Variants in GALNT3 observed in about 807,000 individuals in gnomAD.
The protein encoded by GALNT3 is polypeptide N-acetylgalactosaminyltransferase 3, also known as GalNAc transferase 3.
In GALNT3, 51 loss-of-function variants were observed where a neutral mutation model predicts 69.8. That is an observed-to-expected ratio of 0.73 (90% CI 0.58 to 0.92). The LOEUF is 0.92. GALNT3 is among the 40% of genes least tolerant of loss of function. The probability of loss-of-function intolerance (pLI) is 0.00; values close to 1 mark genes in which losing one functional copy is unlikely to be tolerated. For synonymous variants in GALNT3, 265 were observed against 248.5 expected, an observed-to-expected ratio of 1.07 and a Z score of -0.63; for missense variants, 711 against 760.0, an observed-to-expected ratio of 0.94 and a Z score of 0.76.
intron 2 of GALNT3, among the ~76,000 whole-genome samples, chr2:165,768,074 A>T (rs1688678116): frequency 6.6e-6 from 1 of 152,020 alleles, no homozygotes; most frequent in African/African-American, 2.4e-5. Flanking sequence ...AGGTTTCACC[A>T]TGTTGGCCAG....
At chr2:165,791,279 G>GTA (rs1006955516) in intron 1 of GALNT3, among the ~76,000 whole-genome samples, 2 of 149,720 alleles carry the variant, frequency 1.3e-5, no homozygotes, top group East Asian at 2.0e-4. Context: ...GTGTGTGTGT[G>GTA]TATACGCATG....
At chr2:165,752,636 A>C in intron 9 of GALNT3, among the ~76,000 whole-genome samples, 1 of 152,196 alleles carries the variant, frequency 6.6e-6, no homozygotes, top group South Asian at 2.1e-4. Flanking sequence ...GATAACAGAA[A>C]AATGGAAAAA....
At chr2:165,764,043 AAAT>A (rs748150909) in intron 3 of GALNT3, among the ~76,000 whole-genome samples, 19 of 152,364 alleles carry the variant, frequency 1.2e-4, no homozygotes, top group East Asian at 7.7e-4. Flanking sequence ...GTAATCATTG[AAAT>A]AATATGTATC....
At chr2:165,793,302 G>A (rs79742335) in intron 1 of GALNT3, among the ~76,000 whole-genome samples, 3,646 of 152,268 alleles carry the variant, frequency 0.024, 151 homozygotes, top group African/African-American at 0.083. Flanking sequence ...ACGAGATGGT[G>A]AGTGGTTGGT....
In GALNT3 at chr2:165,759,608, A is replaced by G. The variant is rs201989341; in HGVS notation, c.839-38T>C. On this transcript the variant is annotated intron_variant, in intron 4 of 10. Coordinates refer to ENST00000392701, the MANE Select transcript of GALNT3 (RefSeq NM_004482.4). ...GAATTTTAATTAATTCAATAAAAAC[A>G]TTGAAGTTTTTTTCTTTAGTTATTT... The G allele has an allele frequency of 3.2e-5, 48 of 1,498,038 alleles. No individual in the cohort carries two copies. The African/African-American group carries it at 5.9e-4, about 19-fold the overall frequency. The allele number at this position is 1,498,038 out of a possible 1,614,324, so 92.8% of individuals were successfully genotyped here.
intron 2 of GALNT3, among the ~76,000 whole-genome samples, chr2:165,767,861 A>T (rs575040315): frequency 6.7e-6 from 1 of 148,584 alleles, no homozygotes; most frequent in African/African-American, 2.5e-5. Flanking sequence ...TCAAAGTAAA[A>T]AACAAATCTT....
At chr2:165,765,441 T>G (rs1688620749) in intron 2 of GALNT3, among the ~76,000 whole-genome samples, 1 of 152,144 alleles carries the variant, frequency 6.6e-6, no homozygotes, top group Non-Finnish European at 1.5e-5. Context: ...TCTTATTTCA[T>G]GCAGAAATCA....
chr2:165,788,895 T>C (rs1014841370), intron 1 of GALNT3, among the ~76,000 whole-genome samples: 9 of 152,082 alleles, frequency 5.9e-5, no homozygotes, highest in African/African-American at 2.2e-4. Flanking sequence ...TGAAGGATTT[T>C]AAGTGAGAGA....
At chr2:165,789,356 G>C (rs1683295137) in intron 1 of GALNT3, among the ~76,000 whole-genome samples, 1 of 152,070 alleles carries the variant, frequency 6.6e-6, no homozygotes. Flanking sequence ...AAAAACACAC[G>C]AGGCCAAGGC....
At chr2:165,774,148 C>A (rs575023523) in intron 1 of GALNT3, among the ~76,000 whole-genome samples, 63 of 152,184 alleles carry the variant, frequency 4.1e-4, no homozygotes, top group South Asian at 8.3e-4. Flanking sequence ...ACAACCTCAT[C>A]CCCTCTAACT....
At chr2:165,782,017 A>C (rs1363756912) in intron 1 of GALNT3, among the ~76,000 whole-genome samples, 4 of 152,162 alleles carry the variant, frequency 2.6e-5, no homozygotes, top group Non-Finnish European at 5.9e-5. Flanking sequence ...ATTTGGAGTC[A>C]CCCAATAATT....
chr2:165,773,290 G>A (rs981399344), intron 1 of GALNT3, among the ~76,000 whole-genome samples: 1 of 152,152 alleles, frequency 6.6e-6, no homozygotes, highest in African/African-American at 2.4e-5. Flanking sequence ...TTATAAATGG[G>A]AGTTCCCCTG....
chr2:165,791,491 A>C (rs941870936), intron 1 of GALNT3, among the ~76,000 whole-genome samples: 1 of 152,190 alleles, frequency 6.6e-6, no homozygotes, highest in Non-Finnish European at 1.5e-5. Flanking sequence ...TATATTAATA[A>C]AACTTGTTTC....
intron 1 of GALNT3, among the ~76,000 whole-genome samples, chr2:165,780,709 G>A (rs919752505): frequency 1.3e-5 from 2 of 151,376 alleles, no homozygotes; most frequent in African/African-American, 2.4e-5. Context: ...TAAGGGAATC[G>A]CCAAGAAGCC....
At chr2:165,788,316 C>CAAAAA (rs59428597) in intron 1 of GALNT3, among the ~76,000 whole-genome samples, 2 of 49,328 alleles carry the variant, frequency 4.1e-5, no homozygotes, top group African/African-American at 6.3e-5. Flanking sequence ...GACATCACCT[C>CAAAAA]AAAAAAAAAA....
At chr2:165,790,361 G>A (rs1401145937) in intron 1 of GALNT3, among the ~76,000 whole-genome samples, 1 of 152,056 alleles carries the variant, frequency 6.6e-6, no homozygotes, top group Non-Finnish European at 1.5e-5. Flanking sequence ...TGCCACTGCT[G>A]GAATTGATTT....
intron 3 of GALNT3, among the ~76,000 whole-genome samples, chr2:165,762,622 C>T (rs1441242210): frequency 6.6e-6 from 1 of 152,130 alleles, no homozygotes; most frequent in Non-Finnish European, 1.5e-5. Context: ...TTTGCGAAAG[C>T]TTTGGAGTCT....
chr2:165,791,712 G>C (rs1683355901), intron 1 of GALNT3, among the ~76,000 whole-genome samples: 1 of 152,140 alleles, frequency 6.6e-6, no homozygotes, highest in Non-Finnish European at 1.5e-5. Context: ...AAAAAGATCA[G>C]AAGACTAAAT....
chr2:165,788,829 C>T (rs567382956), intron 1 of GALNT3, among the ~76,000 whole-genome samples: 1 of 152,044 alleles, frequency 6.6e-6, no homozygotes, highest in South Asian at 2.1e-4. Context: ...AGTCTCAGAT[C>T]CCATGGGACC....
Sources: allele counts gnomAD v4.1 joint callset (sites outside exome capture counted in the v4.1 genomes callset), GRCh38; gene constraint gnomAD v4.1.1; transcripts MANE v1.5; gene names NCBI Gene and HGNC (gene_info 2026-07-23, HGNC 2026-07-21).